WDR25: variants seen among roughly 807,000 people sequenced by gnomAD.
The protein encoded by WDR25 is WD repeat-containing protein 25.
In WDR25, 35 loss-of-function variants were observed where a neutral mutation model predicts 47.7. The observed-to-expected ratio is 0.73, with a 90% CI of 0.56 to 0.97. The LOEUF is 0.97. Ranked by LOEUF, WDR25 falls within the 50% of genes least tolerant of loss-of-function variation. The pLI is 0.00. For missense variants in WDR25, 634 were observed against 704.7 expected (o/e 0.90, Z 1.14); for synonymous variants, 248 against 278.9 (o/e 0.89, Z 1.10).
intron 2 of WDR25, among the ~76,000 whole-genome samples, chr14:100,410,816 G>T (rs1197777543): frequency 2.7e-5 from 4 of 145,838 alleles, no homozygotes; most frequent in African/African-American, 1.0e-4. Flanking sequence ...AGAGTCTCAC[G>T]CTGTCGCCCA....
intron 4 of WDR25, among the ~76,000 whole-genome samples, chr14:100,514,133 T>G (rs935112425): frequency 1.3e-5 from 2 of 151,450 alleles, no homozygotes; most frequent in African/African-American, 4.9e-5. Context: ...AGATGGGGTT[T>G]CACCGTGTTA....
In WDR25 at chr14:100,449,631, A is replaced by T. The variant is rs1481473045; in HGVS notation, c.823-18390A>T. 6.6e-6 allele frequency among the ~76,000 whole-genome samples: 1 copy of T among 152,166 alleles called. No individual in the cohort carries two copies. Among genetic ancestry groups the T allele is most frequent in the Non-Finnish European group, 1.5e-5 (1 of 68,020 alleles). On this transcript the variant is annotated intron_variant, in intron 2 of 6. Transcript: ENST00000402312. The surrounding 1 kb of genome is among the most constrained non-coding windows in gnomAD (Gnocchi z 4.2). ...AGGAATTAAGTTGGAGGCCATTAAA[A>T]CTAAATCAGGTGATGCTTCCAGGAG...
intron 2 of WDR25, among the ~76,000 whole-genome samples, chr14:100,437,779 A>G (rs1238953898): frequency 7.2e-5 from 11 of 152,062 alleles, no homozygotes; most frequent in African/African-American, 2.4e-4. Context: ...CACTGGTGTT[A>G]TACGCCCCCT....
Position 100,381,181 on chromosome 14 carries a change from G to A in WDR25, c.257G>A (p.Ser86Asn). The A allele has an allele frequency of 6.2e-7, 1 of 1,614,194 alleles. No individual in the cohort carries two copies. Among genetic ancestry groups the A allele is most frequent in the Admixed American group, 1.7e-5 (1 of 60,030 alleles). The change falls in exon 2 of 7, where the codon AGC becomes AAC. Residue 86 changes from serine to asparagine, a missense_variant. Coordinates refer to ENST00000402312, the MANE Select transcript of WDR25 (RefSeq NM_001161476.3). ...YRLPLAQLGRSDWGSCPSQRL... is the reference protein window; with the variant it reads ...YRLPLAQLGRNDWGSCPSQRL... ...CTTCCATTGGCTCAGCTTGGGAGAA[G>A]CGATTGGGGATCTTGCCCCAGCCAG...
intron 4 of WDR25, among the ~76,000 whole-genome samples, chr14:100,493,950 A>G (rs1006775129): frequency 6.6e-6 from 1 of 152,234 alleles, no homozygotes; most frequent in Non-Finnish European, 1.5e-5. Flanking sequence ...AACCTGCAAG[A>G]GTGCCTTCAC....
At chr14:100,379,866 C>T (rs1436436130) in intron 1 of WDR25, among the ~76,000 whole-genome samples, 7 of 151,866 alleles carry the variant, frequency 4.6e-5, no homozygotes, top group East Asian at 1.9e-4. Context: ...TTCAGCCTCC[C>T]GAGTAGCTGG....
chr14:100,490,200 G>A (rs1462423210), intron 4 of WDR25, among the ~76,000 whole-genome samples: 2 of 152,160 alleles, frequency 1.3e-5, no homozygotes, highest in Non-Finnish European at 2.9e-5. Context: ...TAGCATTCTG[G>A]TAGCATGTGG....
At chr14:100,437,724 C>G (rs1898543362) in intron 2 of WDR25, among the ~76,000 whole-genome samples, 1 of 152,052 alleles carries the variant, frequency 6.6e-6, no homozygotes, top group African/African-American at 2.4e-5. Flanking sequence ...CACTGTTAAC[C>G]CCCATTCTCT....
chr14:100,389,898 GC>G (rs1426821145), intron 2 of WDR25, among the ~76,000 whole-genome samples: 1 of 152,198 alleles, frequency 6.6e-6, no homozygotes, highest in African/African-American at 2.4e-5. Context: ...ACCCTCTGGG[GC>G]TGCTGCTGCT....
chr14:100,403,708 T>A (rs962597883), intron 2 of WDR25, among the ~76,000 whole-genome samples: 1 of 152,214 alleles, frequency 6.6e-6, no homozygotes, highest in African/African-American at 2.4e-5. Context: ...AATAGATTGC[T>A]GATGAACTCA....
rs1300049633 is a variant in WDR25, at chr14:100,381,682, A to C, written c.758A>C (p.Gln253Pro). 6.2e-7 allele frequency: 1 copy of C among 1,614,158 alleles called. No homozygotes were observed. The highest frequency in any genetic ancestry group is 8.5e-7 in the Non-Finnish European group (1 of 1,180,014). The change falls in exon 2 of 7, where the codon CAG becomes CCG. Residue 253 changes from glutamine (Q) to proline (P), a missense_variant. Transcript: ENST00000402312. ...RGHRGPVNTI[Q>P]WCPVLSKSHM... ...CACAGGGGCCCTGTCAACACCATTCAGTGGTGTCCAGTCCTTTCTAAGAGC... is the reference window on the plus strand; with the variant it reads ...CACAGGGGCCCTGTCAACACCATTCCGTGGTGTCCAGTCCTTTCTAAGAGC...
chr14:100,513,967 G>T (rs948827779), intron 4 of WDR25, among the ~76,000 whole-genome samples: 1 of 147,198 alleles, frequency 6.8e-6, no homozygotes, highest in South Asian at 2.2e-4. Flanking sequence ...ACAGAGTCTC[G>T]CTCTGTGGCC....
At position 100,469,709 on chromosome 14, in the gene WDR25, C is replaced by A. The variant is rs34424476; in HGVS notation, c.970+1541C>A. On this transcript the variant is annotated intron_variant, in intron 3 of 6. Coordinates refer to ENST00000402312, the MANE Select transcript of WDR25 (RefSeq NM_001161476.3). ...GATGATGGCAGCACTTACTACTGAG[C>A]ACTGTGTGCTGGGCATTCTTCCACA... 3.7e-3 allele frequency among the ~76,000 whole-genome samples: 568 copies of A among 152,322 alleles called. 2 individuals are homozygous for A. Among genetic ancestry groups the A allele is most frequent in the Middle Eastern group, 6.8e-3 (2 of 294 alleles).
intron 2 of WDR25, among the ~76,000 whole-genome samples, chr14:100,401,462 C>T (rs1477222477): frequency 6.6e-6 from 1 of 152,132 alleles, no homozygotes; most frequent in Non-Finnish European, 1.5e-5. Flanking sequence ...GCAGGGGTGG[C>T]CCTGAGCACC....
intron 4 of WDR25, among the ~76,000 whole-genome samples, chr14:100,508,821 T>C (rs1901204015): frequency 6.6e-6 from 1 of 152,168 alleles, no homozygotes; most frequent in Non-Finnish European, 1.5e-5. Context: ...AATCATATAT[T>C]GGTGTTGAAT....
Position 100,428,240 on chromosome 14 carries a change from A to AGCCTATCTTGGGTCCCCCTCT in WDR25, c.823-39775_823-39755dup, listed in dbSNP as rs1898226354. On this transcript the variant is annotated intron_variant, in intron 2 of 6. Transcript: ENST00000402312. This position sits in a 1 kb window ranked among gnomAD's most constrained non-coding sequence, Gnocchi z 4.3. ...AGGTGAGATGCTGAGGCTGTGCCTC[A>AGCCTATCTTGGGTCCCCCTCT]GCCTATCTTGGGTCCCCCTCTGCCT... Among the ~76,000 whole-genome samples the AGCCTATCTTGGGTCCCCCTCT allele has an allele frequency of 1.3e-5, 2 of 152,216 alleles. No homozygotes were observed. The highest frequency in any genetic ancestry group is 4.8e-5 in the African/African-American group (2 of 41,460).
intron 4 of WDR25, among the ~76,000 whole-genome samples, chr14:100,486,624 A>G (rs1483072246): frequency 1.3e-5 from 2 of 152,156 alleles, no homozygotes; most frequent in Non-Finnish European, 2.9e-5. Flanking sequence ...CCTGCCCTCC[A>G]GGGACTCCCG....
intron 4 of WDR25, among the ~76,000 whole-genome samples, chr14:100,511,395 C>T (rs1901306011): frequency 6.6e-6 from 1 of 152,158 alleles, no homozygotes; most frequent in Non-Finnish European, 1.5e-5. Flanking sequence ...CTCTTCTAAA[C>T]TCATTTATTA....
At chr14:100,519,480 A>G (rs1271068351) in intron 4 of WDR25, among the ~76,000 whole-genome samples, 1 of 151,584 alleles carries the variant, frequency 6.6e-6, no homozygotes, top group Non-Finnish European at 1.5e-5. Flanking sequence ...AACATTGCAT[A>G]CTTCATCTCT....
Sources: gnomAD v4.1 joint callset for allele counts (sites outside exome capture counted in the v4.1 genomes callset) on GRCh38, gnomAD v4.1.1 for gene constraint, Gnocchi (gnomAD v3.1) non-coding constraint, MANE v1.5 for transcripts, NCBI Gene and HGNC (gene_info 2026-07-23, HGNC 2026-07-21) for gene names.